The following KCNN2 variants were observed in gnomAD, a reference collection of about 807,000 sequenced individuals.
The protein encoded by KCNN2 is small conductance calcium-activated potassium channel protein 2.
KCNN2 carries 24 observed loss-of-function variants against 55.5 expected under a neutral mutation model. That is an observed-to-expected ratio of 0.43 (90% CI 0.31 to 0.61). KCNN2 has a LOEUF of 0.61. Ranked by LOEUF, KCNN2 falls within the 20% of genes least tolerant of loss-of-function variation. The pLI, the probability that KCNN2 is intolerant of heterozygous loss-of-function variation, is 0.08. For synonymous variants in KCNN2, 431 were observed against 336.1 expected, an observed-to-expected ratio of 1.28 and a Z score of -3.09; for missense variants, 754 against 853.6, an observed-to-expected ratio of 0.88 and a Z score of 1.45.
intron 1 of KCNN2, among the ~76,000 whole-genome samples, chr5:114,209,163 C>T (rs983409797): frequency 1.3e-5 from 2 of 151,632 alleles, no homozygotes; most frequent in Non-Finnish European, 2.9e-5. Flanking sequence ...CTCAAGGGAT[C>T]CTCCCGCCTC....
chr5:114,272,463 T>TTA (rs1755371581), intron 2 of KCNN2, among the ~76,000 whole-genome samples: 1 of 7,552 alleles, frequency 1.3e-4, no homozygotes, highest in African/African-American at 1.7e-4. Context: ...TATGTACATA[T>TTA]CATACACACA....
chr5:114,219,395 A>G (rs1421226673), intron 1 of KCNN2, among the ~76,000 whole-genome samples: 1 of 152,128 alleles, frequency 6.6e-6, no homozygotes, highest in South Asian at 2.1e-4. Flanking sequence ...AGGACGGTAA[A>G]TGTGGGGGAT....
chr5:114,262,720 G>A (rs546306078), intron 2 of KCNN2, among the ~76,000 whole-genome samples: 62 of 152,228 alleles, frequency 4.1e-4, no homozygotes, highest in African/African-American at 1.5e-3. Context: ...TGTTTTCATG[G>A]TCATTCTTAA....
chr5:114,338,716 T>C (rs1212966032), intron 2 of KCNN2, among the ~76,000 whole-genome samples: 1 of 152,164 alleles, frequency 6.6e-6, no homozygotes, highest in Non-Finnish European at 1.5e-5. Flanking sequence ...AAACTCAGCA[T>C]TATTCGTGGG....
intron 1 of KCNN2, among the ~76,000 whole-genome samples, chr5:114,204,694 T>C (rs1753735692): frequency 6.6e-6 from 1 of 152,358 alleles, no homozygotes; most frequent in African/African-American, 2.4e-5. Context: ...AATGGCCGTG[T>C]CACATTATGG....
intron 1 of KCNN2, among the ~76,000 whole-genome samples, chr5:114,176,055 C>A (rs1753125301): frequency 6.6e-6 from 1 of 152,138 alleles, no homozygotes; most frequent in South Asian, 2.1e-4. Flanking sequence ...TTTCTCAAAT[C>A]ACTTTTCTTT....
At chr5:114,082,492 G>A (rs1232929076) in intron 1 of KCNN2, among the ~76,000 whole-genome samples, 1 of 152,130 alleles carries the variant, frequency 6.6e-6, no homozygotes, top group Non-Finnish European at 1.5e-5. Context: ...TGTTGGTGGT[G>A]ATGTAAATTG....
chr5:114,452,010 ATAT>A lies in KCNN2; in HGVS notation c.1638-11036_1638-11034del, dbSNP rs1452701396. Among the ~76,000 whole-genome samples the A allele has an allele frequency of 1.1e-4, 16 of 152,224 alleles. No homozygotes were observed. In the East Asian group the frequency reaches 2.9e-3, roughly 28 times the overall value. Reference sequence around the variant, plus strand: ...GCTGCTTCTCTTTGTTTACTTACTAATATTAAAGGAAGTCTGTATTGAAATCCT... The same window carrying A: ...GCTGCTTCTCTTTGTTTACTTACTAATAAAGGAAGTCTGTATTGAAATCCT... On this transcript the variant is annotated intron_variant, in intron 3 of 7. Transcript: ENST00000673685.
At chr5:114,157,247 C>G (rs1055952593) in intron 1 of KCNN2, among the ~76,000 whole-genome samples, 21 of 149,836 alleles carry the variant, frequency 1.4e-4, no homozygotes, top group African/African-American at 4.9e-4. Context: ...TGAGTGAGAA[C>G]ATGCGGTGTT....
intron 2 of KCNN2, among the ~76,000 whole-genome samples, chr5:114,385,846 A>G (rs566824969): frequency 7.4e-4 from 112 of 151,828 alleles, no homozygotes; most frequent in Non-Finnish European, 1.1e-3. Flanking sequence ...GCTAAGAGCC[A>G]TACCTGGATT....
chr5:114,140,075 GT>G (rs1474840751), intron 1 of KCNN2, among the ~76,000 whole-genome samples: 3 of 151,754 alleles, frequency 2.0e-5, no homozygotes, highest in Middle Eastern at 3.2e-3. Flanking sequence ...AAATATGTAA[GT>G]TTTTTTCATA....
intron 1 of KCNN2, among the ~76,000 whole-genome samples, chr5:114,150,989 C>A (rs1752510032): frequency 6.6e-6 from 1 of 152,098 alleles, no homozygotes; most frequent in Admixed American, 6.6e-5. Context: ...CCATTGCACT[C>A]CAGCCTGGGC....
chr5:114,491,909 T>C (rs571333169), intron 6 of KCNN2, among the ~76,000 whole-genome samples: 1 of 152,220 alleles, frequency 6.6e-6, no homozygotes, highest in African/African-American at 2.4e-5. Flanking sequence ...ACATCAAAAA[T>C]TGTAACCCTA....
intron 2 of KCNN2, among the ~76,000 whole-genome samples, chr5:114,287,426 G>A (rs1401901822): frequency 6.6e-6 from 1 of 152,122 alleles, no homozygotes; most frequent in Non-Finnish European, 1.5e-5. Flanking sequence ...CCATAGAAAA[G>A]GATGAGTTCA....
chr5:114,392,806 G>T (rs796302114), intron 2 of KCNN2, among the ~76,000 whole-genome samples: 216 of 140,536 alleles, frequency 1.5e-3, no homozygotes, highest in South Asian at 5.2e-3. Context: ...TTTTTGTGGG[G>T]TTTTTTTTTT....
chr5:114,325,380 C>A (rs1444893884), intron 2 of KCNN2, among the ~76,000 whole-genome samples: 1 of 152,142 alleles, frequency 6.6e-6, no homozygotes, highest in Non-Finnish European at 1.5e-5. Flanking sequence ...GCAAAAGATG[C>A]TAAAATTAAA....
At chr5:114,201,134 C>G (rs1025590962) in intron 1 of KCNN2, among the ~76,000 whole-genome samples, 1 of 151,948 alleles carries the variant, frequency 6.6e-6, no homozygotes, top group Non-Finnish European at 1.5e-5. Context: ...GGGACCCAAG[C>G]AGTCTGGGTT....
intron 3 of KCNN2, among the ~76,000 whole-genome samples, chr5:114,460,819 A>G (rs1393167376): frequency 6.6e-6 from 1 of 152,242 alleles, no homozygotes; most frequent in African/African-American, 2.4e-5. Context: ...CATATGCATC[A>G]TGGAACCAGA....
rs185002168 is a variant in KCNN2, at chr5:114,392,503, G to A, written c.1219-11935G>A. ...GCATGAGACTTCAAGACAGAGGAAG[G>A]TTCCAGGATGGATGGTGAGGGAATG... On this transcript the variant is annotated intron_variant, in intron 2 of 7. Transcript: ENST00000673685. Among the ~76,000 whole-genome samples, 32 of 152,320 alleles carry A rather than the reference G, an allele frequency of 2.1e-4. 1 individual carries two copies. Among genetic ancestry groups the A allele is most frequent in the Admixed American group, 1.4e-3 (22 of 15,288 alleles).
Sources: gnomAD v4.1 joint callset for allele counts (sites outside exome capture counted in the v4.1 genomes callset) on GRCh38, gnomAD v4.1.1 for gene constraint, MANE v1.5 for transcripts, NCBI Gene and HGNC (gene_info 2026-07-23, HGNC 2026-07-21) for gene names.